The following DTNA variants were observed in gnomAD, a reference collection of about 807,000 sequenced individuals.
DTNA encodes dystrobrevin alpha.
In DTNA, 43 loss-of-function variants were observed where a neutral mutation model predicts 100.7. The observed-to-expected ratio is 0.43, with a 90% CI of 0.33 to 0.55. The LOEUF is 0.55. Ranked by LOEUF, DTNA falls within the 20% of genes least tolerant of loss-of-function variation. The pLI is 0.04. For missense variants in DTNA, 798 were observed against 953.9 expected (o/e 0.84, Z 2.15); for synonymous variants, 349 against 347.9 (o/e 1.00, Z -0.04).
intron 1 of DTNA, among the ~76,000 whole-genome samples, chr18:34,724,755 T>G (rs924725064): frequency 2.0e-5 from 3 of 152,154 alleles, no homozygotes; most frequent in African/African-American, 7.2e-5. Flanking sequence ...AGGTCACATT[T>G]CAGCATAAGA....
chr18:34,800,790 T>G (rs1324541981), intron 4 of DTNA, among the ~76,000 whole-genome samples: 1 of 152,178 alleles, frequency 6.6e-6, no homozygotes, highest in Non-Finnish European at 1.5e-5. Context: ...CTGTTGGCAA[T>G]TCGGAGACAA....
intron 1 of DTNA, among the ~76,000 whole-genome samples, chr18:34,516,466 T>C (rs943458075): frequency 1.3e-5 from 2 of 152,048 alleles, no homozygotes; most frequent in South Asian, 4.1e-4. Context: ...AGACAACTGG[T>C]CTGACTAAAA....
At chr18:34,741,210 G>A (rs2090590236) in intron 1 of DTNA, among the ~76,000 whole-genome samples, 1 of 152,072 alleles carries the variant, frequency 6.6e-6, no homozygotes, top group Non-Finnish European at 1.5e-5. Flanking sequence ...GGATCATAAA[G>A]TTCCCAGGAG....
chr18:34,696,555 C>T (rs1024880203), intron 1 of DTNA, among the ~76,000 whole-genome samples: 13 of 151,748 alleles, frequency 8.6e-5, no homozygotes, highest in East Asian at 3.9e-4. Context: ...TCCAGCCTGG[C>T]GACAGAGTGA....
In DTNA at chr18:34,877,786, T is replaced by G. The variant is rs199855849; in HGVS notation, c.1971T>G (p.Ser657=). 2.5e-6 allele frequency: 4 copies of G among 1,613,946 alleles called. No homozygotes were observed. Among genetic ancestry groups the G allele is most frequent in the Non-Finnish European group, 3.4e-6 (4 of 1,179,890 alleles). The change falls in exon 19 of 23, where the codon TCT becomes TCG. Residue 657 remains serine, a synonymous_variant. Coordinates refer to ENST00000444659, the MANE Select transcript of DTNA (RefSeq NM_001386795.1). ...AADSITNTMS[S]LVKELNSEVG... ...ATTCCATCACTAACACTATGTCCTC[T>G]CTTGTGAAAGAGCTGAATTCTGGTG...
intron 11 of DTNA, among the ~76,000 whole-genome samples, chr18:34,832,936 C>A (rs1223878121): frequency 6.6e-6 from 1 of 152,052 alleles, no homozygotes; most frequent in Non-Finnish European, 1.5e-5. Flanking sequence ...AGGCAGCCAA[C>A]TTTATAAGTC....
chr18:34,816,427 C>T (rs1463584764), intron 7 of DTNA, among the ~76,000 whole-genome samples: 1 of 152,172 alleles, frequency 6.6e-6, no homozygotes, highest in Non-Finnish European at 1.5e-5. Context: ...TAGATGATAG[C>T]ACCCTGTTAA....
chr18:34,882,339 A>C, intron 21 of DTNA, 138 bp downstream of exon 21: 1 of 1,196,606 alleles, frequency 8.4e-7, no homozygotes, highest in Non-Finnish European at 1.2e-6. Context: ...TCACTCCTTA[A>C]TCCGTGTCTT....
At chr18:34,642,864 G>GCC (rs2059447689) in intron 1 of DTNA, among the ~76,000 whole-genome samples, 1 of 152,014 alleles carries the variant, frequency 6.6e-6, no homozygotes, top group Non-Finnish European at 1.5e-5. Flanking sequence ...GCCCAGACTG[G>GCC]CTTTCTCAGG....
intron 21 of DTNA, 48 bp downstream of exon 21, chr18:34,882,249 C>T (rs2096880145): frequency 6.2e-7 from 1 of 1,607,460 alleles, no homozygotes; most frequent in Non-Finnish European, 8.5e-7. Flanking sequence ...GCCTCAACCC[C>T]TTGGTAGCTG....
At chr18:34,663,072 C>G (rs2075411888) in intron 1 of DTNA, 1 of 152,168 alleles carries the variant, frequency 6.6e-6, no homozygotes, top group Non-Finnish European at 1.5e-5. Context: ...CCATGTACTT[C>G]CAGTGAAAAA....
At position 34,848,334 on chromosome 18, in the gene DTNA, G is replaced by A; in HGVS notation, c.1385G>A (p.Arg462Lys). Residue 462 changes from arginine (R) to lysine (K), a missense_variant, in exon 14 of 23, where the codon AGG becomes AAG. By Grantham distance (26) the Arg-to-Lys change is conservative. Coordinates refer to ENST00000444659, the MANE Select transcript of DTNA (RefSeq NM_001386795.1). The stretch of plus-strand genomic sequence containing the variant: ...TCAAACCGGCTTGATGAAGAACACA[G>A]GCTAATTGCCAGGTATGCGGCAAGG... ...ESSNRLDEEHRLIARYAARLA... is the reference protein window; with the variant it reads ...ESSNRLDEEHKLIARYAARLA... The A allele has an allele frequency of 1.9e-6, 3 of 1,614,056 alleles. No homozygotes were observed. The highest frequency in any genetic ancestry group is 1.7e-5 in the Admixed American group (1 of 60,004).
At chr18:34,587,807 C>T (rs2049291206) in intron 1 of DTNA, among the ~76,000 whole-genome samples, 1 of 152,146 alleles carries the variant, frequency 6.6e-6, no homozygotes, top group South Asian at 2.1e-4. Context: ...AACTTTAAAA[C>T]TTCCAGATCA....
chr18:34,789,820 T>C (rs911730907), intron 3 of DTNA, among the ~76,000 whole-genome samples: 7 of 152,230 alleles, frequency 4.6e-5, no homozygotes, highest in African/African-American at 1.7e-4. Flanking sequence ...ATAACTTTCA[T>C]ATAATTTCTA....
intron 1 of DTNA, among the ~76,000 whole-genome samples, chr18:34,725,352 C>T (rs1208150342): frequency 6.6e-6 from 1 of 150,394 alleles, no homozygotes; most frequent in Non-Finnish European, 1.5e-5. Flanking sequence ...ATCCATCTGA[C>T]AAAGGGCTAA....
At chr18:34,532,716 A>G (rs980336052) in intron 1 of DTNA, among the ~76,000 whole-genome samples, 1 of 151,692 alleles carries the variant, frequency 6.6e-6, no homozygotes, top group Non-Finnish European at 1.5e-5. Context: ...GTGGGCTGTA[A>G]GACCTCTGAG....
chr18:34,669,292 C>T (rs148917769), intron 1 of DTNA, among the ~76,000 whole-genome samples: 1,689 of 152,192 alleles, frequency 0.011, 19 homozygotes, highest in African/African-American at 0.038. Context: ...GATCTTCCTC[C>T]GTCCCTTTAT....
At chr18:34,725,166 C>T (rs1007759325) in intron 1 of DTNA, among the ~76,000 whole-genome samples, 2 of 152,048 alleles carry the variant, frequency 1.3e-5, no homozygotes, top group African/African-American at 4.8e-5. Context: ...TAGGCAATAC[C>T]ATTCAGGAGA....
At chr18:34,841,439 G>A (rs182425925) in intron 13 of DTNA, among the ~76,000 whole-genome samples, 2 of 152,278 alleles carry the variant, frequency 1.3e-5, no homozygotes, top group Admixed American at 6.5e-5. Flanking sequence ...TATGTATGTA[G>A]TTCCTTGAGT....
Sources: gnomAD v4.1 joint callset for allele counts (sites outside exome capture counted in the v4.1 genomes callset) on GRCh38, gnomAD v4.1.1 for gene constraint, MANE v1.5 for transcripts, NCBI Gene and HGNC (gene_info 2026-07-23, HGNC 2026-07-21) for gene names.